The following FAM234A variants were observed in gnomAD, a reference collection of about 807,000 sequenced individuals.
FAM234A encodes the protein family with sequence similarity 234 member A, also known as protein FAM234A.
Under a neutral mutation model 49.1 loss-of-function variants are expected in FAM234A, and 42 were observed. The observed-to-expected ratio is 0.86, with a 90% confidence interval of 0.67 to 1.11. The LOEUF (loss-of-function observed/expected upper bound fraction) is 1.11. Ranked by LOEUF, FAM234A falls within the 50% of genes least tolerant of loss-of-function variation. The pLI is 0.00. For missense variants in FAM234A, 815 were observed against 745.2 expected, an observed-to-expected ratio of 1.09 and a Z score of -1.09; for synonymous variants, 369 against 316.2, an observed-to-expected ratio of 1.17 and a Z score of -1.77.
chr16:263,366 C>A lies in FAM234A; in HGVS notation c.1076C>A (p.Thr359Lys), dbSNP rs375467779. 19 of 1,611,966 alleles carry A rather than the reference C, an allele frequency of 1.2e-5. No individual in the cohort carries two copies. The highest frequency in any genetic ancestry group is 1.5e-5 in the Non-Finnish European group (18 of 1,179,998). ...GTGCTGCTGGACGGGCAGGAGCTGA[C>A]GCCTCGCTGGACACCCAAGGCAGCC... ...AFVLLDGQEL[T>K]PRWTPKAAHV... Residue 359 changes from threonine (T) to lysine (K), a missense_variant, in exon 9 of 13, where the codon ACG becomes AAG. Coordinates refer to ENST00000399932, the MANE Select transcript of FAM234A (RefSeq NM_032039.4).
At chr16:242,009 G>C (rs968116366) in intron 1 of FAM234A, among the ~76,000 whole-genome samples, 9 of 152,134 alleles carry the variant, frequency 5.9e-5, no homozygotes, top group African/African-American at 2.2e-4. Context: ...GGAGAAAAGG[G>C]AGAGACCTGT....
At chr16:263,168 G>A in intron 8 of FAM234A, 94 bp from the exon 9 acceptor site, 1 of 1,461,884 alleles carries the variant, frequency 6.8e-7, no homozygotes, top group East Asian at 2.3e-5. Context: ...GGGCCTAAGA[G>A]GAGCACCCTG....
intron 1 of FAM234A, among the ~76,000 whole-genome samples, chr16:245,042 C>T (rs2050758217): frequency 1.3e-5 from 2 of 151,922 alleles, no homozygotes; most frequent in African/African-American, 2.4e-5. Flanking sequence ...GACCTGTTAT[C>T]GTATATTCTC....
intron 1 of FAM234A, among the ~76,000 whole-genome samples, chr16:248,991 G>T (rs1312197889): frequency 6.6e-6 from 1 of 151,986 alleles, no homozygotes; most frequent in East Asian, 1.9e-4. Flanking sequence ...AATAGTAATT[G>T]TCTTGCAGGG....
At chr16:266,118 C>G (rs531409457), downstream of FAM234A, 32 of 982,368 alleles carry the variant, frequency 3.3e-5, no homozygotes, top group African/African-American at 5.2e-4. Flanking sequence ...AGGCGTGAGC[C>G]TAGCGTGTGT....
chr16:258,100 C>T (rs1331414425), intron 3 of FAM234A, among the ~76,000 whole-genome samples: 1 of 151,558 alleles, frequency 6.6e-6, no homozygotes, highest in Non-Finnish European at 1.5e-5. Flanking sequence ...GTGATCCACC[C>T]GCCTCGGCCT....
rs1476041332 is a variant in FAM234A, at chr16:247,949, CTG to C, written c.-139-1598_-139-1597del. Among the ~76,000 whole-genome samples the C allele has an allele frequency of 1.3e-4, 20 of 152,240 alleles. No individual in the cohort carries two copies. In the South Asian group the frequency reaches 4.1e-3, roughly 32 times the overall value. ...CCCATGGAGGCACTGCGGGGCCTGACTGTCTGGGAACCCTCTCAGAGTGGAGC... is the reference window on the plus strand; with the variant it reads ...CCCATGGAGGCACTGCGGGGCCTGACTCTGGGAACCCTCTCAGAGTGGAGC... On this transcript the variant is annotated intron_variant, in intron 1 of 12. Transcript: ENST00000399932.
downstream of FAM234A, among the ~76,000 whole-genome samples, chr16:267,267 C>T (rs1028837887): frequency 1.3e-5 from 2 of 152,060 alleles, no homozygotes; most frequent in Non-Finnish European, 2.9e-5. Context: ...CGTCCCCACA[C>T]ACTACCCTGC....
chr16:235,472 G>T (rs2050366920), intron 1 of FAM234A, among the ~76,000 whole-genome samples: 1 of 152,134 alleles, frequency 6.6e-6, no homozygotes, highest in African/African-American at 2.4e-5. Context: ...AGCGTTCCTG[G>T]CTCTCCCCTA....
intron 8 of FAM234A, 31 bp from the exon 9 acceptor site, chr16:263,231 C>T (rs570292602): frequency 1.7e-5 from 28 of 1,603,876 alleles, no homozygotes; most frequent in Middle Eastern, 1.7e-4. Flanking sequence ...CCCGGGGACC[C>T]GGCGCCCCTT....
At chr16:241,164 TC>T (rs1215486951) in intron 1 of FAM234A, among the ~76,000 whole-genome samples, 2 of 152,010 alleles carry the variant, frequency 1.3e-5, no homozygotes, top group Non-Finnish European at 2.9e-5. Flanking sequence ...CGAGTGATCT[TC>T]CTGCCTCCTG....
chr16:253,709 C>T (rs957584226), intron 2 of FAM234A: 1 of 152,282 alleles, frequency 6.6e-6, no homozygotes, highest in Non-Finnish European at 1.5e-5. Flanking sequence ...CTCCTGACCT[C>T]GTGATCCGCA....
At chr16:237,713 CTTTT>C (rs398058030) in intron 1 of FAM234A, among the ~76,000 whole-genome samples, 4 of 137,334 alleles carry the variant, frequency 2.9e-5, no homozygotes, top group South Asian at 2.4e-4. Flanking sequence ...TAATGAAATT[CTTTT>C]TTTTTTTTTT....
rs7189326 is a variant in FAM234A at position 263,407 on chromosome 16, A to C, written c.1112+5A>C. ...CAAGGCAGCCCATGTCCTGAGGTAC[A>C]GGGTTTCCCCAAGGACCGCGCAGGT... On this transcript the variant is annotated splice_donor_5th_base_variant and intron_variant, in intron 9 of 12. Coordinates refer to ENST00000399932, the MANE Select transcript of FAM234A (RefSeq NM_032039.4). 2 of 1,607,790 alleles carry C rather than the reference A, an allele frequency of 1.2e-6. No individual in the cohort carries two copies. Among genetic ancestry groups the C allele is most frequent in the African/African-American group, 2.7e-5 (2 of 74,880 alleles).
chr16:242,958 T>A (rs1442015803), intron 1 of FAM234A, among the ~76,000 whole-genome samples: 4 of 151,704 alleles, frequency 2.6e-5, no homozygotes, highest in Admixed American at 2.6e-4. Flanking sequence ...ATTGACAAAT[T>A]TTCTTTTCTT....
Position 265,008 on chromosome 16 carries a change from C to G in FAM234A, c.1645C>G (p.Gln549Glu). 1 of 1,607,410 alleles carries G rather than the reference C, an allele frequency of 6.2e-7. No homozygotes were observed. The highest frequency in any genetic ancestry group is 8.5e-7 in the Non-Finnish European group (1 of 1,176,478). Residue 549 changes from glutamine (Q) to glutamate (E), a missense_variant, in exon 13 of 13, where the codon CAG becomes GAG. Transcript: ENST00000399932. ...IRDRFSRLRY[Q>E]SEA ...GGACCGGTTCTCCCGGCTGCGGTAC[C>G]AGAGTGAGGCGTAGAGGCACGCCAG... is the stretch of plus-strand genomic sequence containing the variant.
In FAM234A at chr16:265,486, C is replaced by T. The variant is rs2051662652; in HGVS notation, c.*464C>T. 8 of 991,866 alleles carry T rather than the reference C, an allele frequency of 8.1e-6. No individual in the cohort carries two copies. Among genetic ancestry groups the T allele is most frequent in the Non-Finnish European group, 9.6e-6 (8 of 834,340 alleles). 61.4% of individuals were successfully genotyped at this position (991,866 alleles called of 1,614,324 possible). A position where few individuals can be genotyped will look rare whatever the true frequency, so the allele number is the denominator to read the frequency against. On this transcript the variant is annotated 3_prime_UTR_variant, in exon 13 of 13. Transcript: ENST00000399932. The stretch of plus-strand genomic sequence containing the variant: ...CCTGTAGAAGTCCATTCCCCTTTTC[C>T]CTCCTGTGCTCTGTCCCCCAAGGAG...
chr16:266,686 G>C (rs1364017878), downstream of FAM234A, among the ~76,000 whole-genome samples: 1 of 152,214 alleles, frequency 6.6e-6, no homozygotes, highest in African/African-American at 2.4e-5. Context: ...TGGGGGATGA[G>C]GTTGAACAGG....
At chr16:239,713 C>G (rs2050545915) in intron 1 of FAM234A, among the ~76,000 whole-genome samples, 1 of 152,042 alleles carries the variant, frequency 6.6e-6, no homozygotes, top group African/African-American at 2.4e-5. Context: ...ATTTTCTGGA[C>G]AGACTACAAA....
Sources: allele counts gnomAD v4.1 joint callset (sites outside exome capture counted in the v4.1 genomes callset), GRCh38; gene constraint gnomAD v4.1.1; transcripts MANE v1.5; gene names NCBI Gene and HGNC (gene_info 2026-07-23, HGNC 2026-07-21).